FBXL17: variants seen among roughly 807,000 people sequenced by gnomAD.
FBXL17 encodes the protein F-box and leucine rich repeat protein 17, also known as F-box/LRR-repeat protein 17.
A neutral mutation model predicts 66.2 loss-of-function variants in FBXL17; 22 were observed. The ratio of observed to expected loss-of-function variants is 0.33; its 90% confidence interval spans 0.24 to 0.47. The LOEUF is 0.47. Ranked by LOEUF, FBXL17 falls within the 20% of genes least tolerant of loss-of-function variation. The pLI, the probability that FBXL17 is intolerant of heterozygous loss-of-function variation, is 1.00. For synonymous variants in FBXL17, 474 were observed against 400.5 expected (o/e 1.18, Z -2.19); for missense variants, 878 against 948.2 (o/e 0.93, Z 0.97).
chr5:107,984,726 T>A (rs2112678590), intron 7 of FBXL17, among the ~76,000 whole-genome samples: 1 of 152,316 alleles, frequency 6.6e-6, no homozygotes, highest in East Asian at 1.9e-4. Context: ...GAGGAAAAAA[T>A]AATTTGTTAT....
At chr5:108,074,244 A>T (rs566035979) in intron 6 of FBXL17, among the ~76,000 whole-genome samples, 55 of 152,306 alleles carry the variant, frequency 3.6e-4, no homozygotes, top group African/African-American at 1.2e-3. Flanking sequence ...TTTCATAAAA[A>T]GGAACTTAAA....
intron 5 of FBXL17, among the ~76,000 whole-genome samples, chr5:108,207,010 T>C (rs988806682): frequency 6.6e-6 from 1 of 152,172 alleles, no homozygotes; most frequent in African/African-American, 2.4e-5. Context: ...ACCACAAGTA[T>C]GTGTAACTGG....
chr5:108,051,446 A>G (rs1747470240), intron 6 of FBXL17, among the ~76,000 whole-genome samples: 1 of 152,242 alleles, frequency 6.6e-6, no homozygotes, highest in Non-Finnish European at 1.5e-5. Flanking sequence ...ATGCAAATAA[A>G]TAAATGTAAT....
At chr5:107,934,215 TA>T (rs1750824178) in intron 7 of FBXL17, among the ~76,000 whole-genome samples, 1 of 152,152 alleles carries the variant, frequency 6.6e-6, no homozygotes, top group Admixed American at 6.6e-5. Context: ...AATCTAAAAG[TA>T]AAGTTTGACC....
intron 7 of FBXL17, among the ~76,000 whole-genome samples, chr5:107,917,428 A>G (rs1326888993): frequency 2.0e-5 from 3 of 152,206 alleles, no homozygotes; most frequent in Non-Finnish European, 4.4e-5. Context: ...TAGCATACCA[A>G]GAAACAGATG....
chr5:108,353,627 G>C (rs1047116148), intron 3 of FBXL17, among the ~76,000 whole-genome samples: 36 of 152,242 alleles, frequency 2.4e-4, no homozygotes, highest in African/African-American at 8.4e-4. Flanking sequence ...CTAACCTGTG[G>C]GAGTTTTGTC....
At chr5:108,313,718 G>A (rs1759229529) in intron 4 of FBXL17, among the ~76,000 whole-genome samples, 1 of 151,838 alleles carries the variant, frequency 6.6e-6, no homozygotes, top group Non-Finnish European at 1.5e-5. Context: ...TCATTCAACA[G>A]CCTGAGTGAC....
At chr5:107,910,829 T>A (rs1238362093) in intron 7 of FBXL17, among the ~76,000 whole-genome samples, 1 of 152,086 alleles carries the variant, frequency 6.6e-6, no homozygotes, top group Non-Finnish European at 1.5e-5. Flanking sequence ...TATATAGGAA[T>A]AAACCTAACA....
intron 7 of FBXL17, among the ~76,000 whole-genome samples, chr5:107,977,195 G>A (rs1248456448): frequency 3.3e-5 from 5 of 152,266 alleles, no homozygotes. Context: ...TTAGGGTCTA[G>A]TAAACTGCAC....
intron 4 of FBXL17, among the ~76,000 whole-genome samples, chr5:108,235,478 C>T (rs776691672): frequency 1.3e-5 from 2 of 152,100 alleles, no homozygotes; most frequent in African/African-American, 2.4e-5. Flanking sequence ...CATTCTTTTC[C>T]GGGATATTTG....
chr5:107,870,520 G>A (rs1384444465), intron 8 of FBXL17, among the ~76,000 whole-genome samples: 1 of 151,922 alleles, frequency 6.6e-6, no homozygotes, highest in Non-Finnish European at 1.5e-5. Context: ...TTCTCACATG[G>A]ACCTAGTGCT....
At chr5:108,220,903 C>T (rs1754835615) in intron 5 of FBXL17, among the ~76,000 whole-genome samples, 1 of 152,090 alleles carries the variant, frequency 6.6e-6, no homozygotes, top group African/African-American at 2.4e-5. Context: ...TAGAGTAGAC[C>T]CAATTCTCCC....
rs141678822 is a variant in FBXL17 at position 107,898,820 on chromosome 5, T to A, written c.1823-17641A>T. 7.7e-3 allele frequency among the ~76,000 whole-genome samples: 1,174 copies of A among 152,336 alleles called. 14 individuals carry two copies. Among genetic ancestry groups the A allele is most frequent in the African/African-American group, 0.027 (1,114 of 41,578 alleles). On this transcript the variant is annotated intron_variant, in intron 7 of 8. Transcript: ENST00000542267. Reference sequence around the variant, plus strand: ...GAACTCGTCCTTTTTTATGGCTGCATAGTATTCCATGGTGTGTATGTGCCA... The same window carrying A: ...GAACTCGTCCTTTTTTATGGCTGCAAAGTATTCCATGGTGTGTATGTGCCA...
chr5:108,135,942 A>G (rs903049736), intron 6 of FBXL17, among the ~76,000 whole-genome samples: 1 of 152,092 alleles, frequency 6.6e-6, no homozygotes, highest in African/African-American at 2.4e-5. Context: ...AAGGCCTCCA[A>G]CATAGTTTTT....
chr5:108,017,059 A>T (rs1383856409), intron 7 of FBXL17, among the ~76,000 whole-genome samples: 2 of 152,118 alleles, frequency 1.3e-5, no homozygotes, highest in Non-Finnish European at 2.9e-5. Flanking sequence ...GATTACAGGG[A>T]TGAGCCACTA....
chr5:108,188,107 G>C (rs1021265299), intron 5 of FBXL17, among the ~76,000 whole-genome samples: 1 of 151,998 alleles, frequency 6.6e-6, no homozygotes, highest in African/African-American at 2.4e-5. Context: ...TGGTGGACAG[G>C]ACAGCTCAAA....
intron 7 of FBXL17, among the ~76,000 whole-genome samples, chr5:107,940,469 G>C (rs1751055456): frequency 6.6e-6 from 1 of 152,162 alleles, no homozygotes; most frequent in Admixed American, 6.6e-5. Flanking sequence ...AAGAATCAGG[G>C]AAGGCTTGTT....
In FBXL17 at chr5:108,250,949, ATGAAAATACAAAAT is replaced by A. The variant is rs149505923; in HGVS notation, c.1507-26735_1507-26722del. On this transcript the variant is annotated intron_variant, in intron 4 of 8. Transcript: ENST00000542267. ...TAATAGCTACACAGTATTCTATCAC[ATGAAAATACAAAAT>A]TATATAATCAATTCCATATTGATAG... Among the ~76,000 whole-genome samples the A allele has an allele frequency of 5.2e-4, 79 of 152,190 alleles. No homozygotes were observed. The East Asian group carries it at 0.015, about 28-fold the overall frequency.
chr5:108,002,427 T>C (rs1217135974), intron 7 of FBXL17, among the ~76,000 whole-genome samples: 1 of 152,098 alleles, frequency 6.6e-6, no homozygotes, highest in African/African-American at 2.4e-5. Flanking sequence ...GAGATAGAAA[T>C]GCTGGATAAA....
Sources: allele counts gnomAD v4.1 joint callset (sites outside exome capture counted in the v4.1 genomes callset), GRCh38; gene constraint gnomAD v4.1.1; transcripts MANE v1.5; gene names NCBI Gene and HGNC (gene_info 2026-07-23, HGNC 2026-07-21).